IER3IP1: variants seen among roughly 807,000 people sequenced by gnomAD.
The protein encoded by IER3IP1 is immediate early response 3 interacting protein 1.
Under a neutral mutation model 12.2 loss-of-function variants are expected in IER3IP1, and 16 were observed. That is an observed-to-expected ratio of 1.31 (90% CI 0.89 to 1.99). The LOEUF is 1.99. Among genes scored for constraint, IER3IP1 ranks in the 30% most tolerant of loss-of-function variants. IER3IP1 has a pLI of 0.00. For missense variants in IER3IP1, 95 were observed against 95.8 expected, an observed-to-expected ratio of 0.99 and a Z score of 0.03; for synonymous variants, 42 against 40.0, an observed-to-expected ratio of 1.05 and a Z score of -0.19.
intron 1 of IER3IP1, among the ~76,000 whole-genome samples, chr18:47,162,745 A>T (rs2063983744): frequency 6.6e-6 from 1 of 152,180 alleles, no homozygotes; most frequent in Non-Finnish European, 1.5e-5. Flanking sequence ...GAAGGACATG[A>T]GCCTTTTTAG....
Position 47,154,496 on chromosome 18 carries a change from C to CT in IER3IP1, c.*1680_*1681insA, listed in dbSNP as rs1436004800. Reference sequence around the variant, plus strand: ...CTGTAATGTCTTATATGAAAAATAACATCAGATCAAGGTCTCTCTTTTCTT... The same window carrying CT: ...CTGTAATGTCTTATATGAAAAATAACTATCAGATCAAGGTCTCTCTTTTCTT... On this transcript the variant is annotated 3_prime_UTR_variant, in exon 3 of 3. Coordinates refer to ENST00000256433, the MANE Select transcript of IER3IP1 (RefSeq NM_016097.5). 6.6e-6 allele frequency: 1 copy of CT among 152,152 alleles called. No individual in the cohort carries two copies. The allele number at this position is 152,152 out of a possible 1,614,324, so 9.4% of individuals were successfully genotyped here. A position where few individuals can be genotyped will look rare whatever the true frequency, so the allele number is the denominator to read the frequency against.
chr18:47,160,393 C>T (rs1287120083), intron 1 of IER3IP1, among the ~76,000 whole-genome samples: 6 of 152,216 alleles, frequency 3.9e-5, no homozygotes, highest in African/African-American at 1.4e-4. Flanking sequence ...TCAGTAACTT[C>T]GCTGGCTTCT....
chr18:47,161,576 T>G (rs2063980087), intron 1 of IER3IP1, among the ~76,000 whole-genome samples: 1 of 152,086 alleles, frequency 6.6e-6, no homozygotes, highest in African/African-American at 2.4e-5. Flanking sequence ...CTCCTTAAAT[T>G]GACATTCTAG....
intron 1 of IER3IP1, among the ~76,000 whole-genome samples, chr18:47,162,974 G>A (rs1568072131): frequency 6.6e-6 from 1 of 152,022 alleles, no homozygotes; most frequent in Non-Finnish European, 1.5e-5. Context: ...ATAATTGGTT[G>A]GAGAAGGGAG....
At chr18:47,169,041 A>G (rs1320605019) in intron 1 of IER3IP1, among the ~76,000 whole-genome samples, 2 of 152,186 alleles carry the variant, frequency 1.3e-5, no homozygotes, top group Non-Finnish European at 2.9e-5. Context: ...TACCACCCCA[A>G]AAGAAACCCT....
chr18:47,162,528 T>A (rs1166578255), intron 1 of IER3IP1, among the ~76,000 whole-genome samples: 1 of 151,766 alleles, frequency 6.6e-6, no homozygotes, highest in Non-Finnish European at 1.5e-5. Context: ...TAAGAACAGA[T>A]CCCATCCAGG....
chr18:47,167,346 C>T (rs1438418562), intron 1 of IER3IP1, among the ~76,000 whole-genome samples: 1 of 152,098 alleles, frequency 6.6e-6, no homozygotes, highest in Non-Finnish European at 1.5e-5. Flanking sequence ...CCAATGCACC[C>T]GGCCCCCTGT....
intron 1 of IER3IP1, among the ~76,000 whole-genome samples, chr18:47,158,397 G>C (rs2144424130): frequency 6.6e-6 from 1 of 152,200 alleles, no homozygotes; most frequent in Admixed American, 6.5e-5. Flanking sequence ...CTGGAGTGCA[G>C]TGGTGTAATC....
At chr18:47,170,258 G>A (rs1292221478) in intron 1 of IER3IP1, among the ~76,000 whole-genome samples, 1 of 151,916 alleles carries the variant, frequency 6.6e-6, no homozygotes, top group Non-Finnish European at 1.5e-5. Context: ...CTATTTCATT[G>A]ATCTATGTCT....
At chr18:47,166,233 G>T (rs771653876) in intron 1 of IER3IP1, among the ~76,000 whole-genome samples, 1 of 152,026 alleles carries the variant, frequency 6.6e-6, no homozygotes, top group Non-Finnish European at 1.5e-5. Context: ...CTCATATCAG[G>T]AATTGCAAGA....
At chr18:47,164,936 C>A (rs1438310237) in intron 1 of IER3IP1, among the ~76,000 whole-genome samples, 1 of 152,196 alleles carries the variant, frequency 6.6e-6, no homozygotes, top group East Asian at 1.9e-4. Context: ...AAGTTACTGA[C>A]TGCAACCACC....
chr18:47,171,308 CAA>C (rs1296624061), intron 1 of IER3IP1, among the ~76,000 whole-genome samples: 1 of 152,114 alleles, frequency 6.6e-6, no homozygotes, highest in African/African-American at 2.4e-5. Context: ...CAGCTATATT[CAA>C]AAGAGATATA....
intron 1 of IER3IP1, among the ~76,000 whole-genome samples, chr18:47,174,652 G>C (rs951563231): frequency 4.6e-5 from 7 of 151,656 alleles, no homozygotes; most frequent in Non-Finnish European, 1.0e-4. Flanking sequence ...CGGGGGGACA[G>C]GGTGAGACTC....
intron 1 of IER3IP1, among the ~76,000 whole-genome samples, chr18:47,170,488 ACTAT>A (rs1051830939): frequency 4.3e-4 from 65 of 152,120 alleles, no homozygotes; most frequent in African/African-American, 1.4e-3. Context: ...AATATTAAGT[ACTAT>A]CATCTTAATA....
At chr18:47,156,335 T>C (rs961091675) in intron 2 of IER3IP1, 103 bp from the exon 3 acceptor site, 164 of 707,990 alleles carry the variant, frequency 2.3e-4, no homozygotes, top group Non-Finnish European at 2.7e-4. Context: ...TCTAACAATA[T>C]GTCATCATAA....
rs2063953861 is a variant in IER3IP1, at chr18:47,155,163, C to T, written c.*1014G>A. 1 of 152,138 alleles carries T rather than the reference C, an allele frequency of 6.6e-6. No homozygotes were observed. The highest frequency in any genetic ancestry group is 6.5e-5 in the Admixed American group (1 of 15,274). 9.4% of individuals were successfully genotyped at this position (152,138 alleles called of 1,614,324 possible). A position where few individuals can be genotyped will look rare whatever the true frequency, so the allele number is the denominator to read the frequency against. Reference sequence around the variant, plus strand: ...AACCATTTACATAGTTTCAACCTTTCTGCATAAAACTGTATTATGAGATAG... The same window carrying T: ...AACCATTTACATAGTTTCAACCTTTTTGCATAAAACTGTATTATGAGATAG... On this transcript the variant is annotated 3_prime_UTR_variant, in exon 3 of 3. Coordinates refer to ENST00000256433, the MANE Select transcript of IER3IP1 (RefSeq NM_016097.5).
chr18:47,156,379 C>G, intron 2 of IER3IP1, 147 bp from the exon 3 acceptor site: 4 of 616,978 alleles, frequency 6.5e-6, no homozygotes, highest in South Asian at 5.8e-5. Context: ...AAGAAACATT[C>G]TAAAATACAT....
At chr18:47,162,351 C>A (rs151057932) in intron 1 of IER3IP1, among the ~76,000 whole-genome samples, 2 of 152,104 alleles carry the variant, frequency 1.3e-5, no homozygotes, top group East Asian at 3.9e-4. Flanking sequence ...CAGTCCCTTA[C>A]AATTAAACAA....
rs193194845 is a variant in IER3IP1 at position 47,161,233 on chromosome 18, G to A, written c.92-3696C>T. 3.2e-4 allele frequency among the ~76,000 whole-genome samples: 49 copies of A among 152,258 alleles called. 1 individual carries two copies. The East Asian group carries it at 5.2e-3, about 16-fold the overall frequency. On this transcript the variant is annotated intron_variant, in intron 1 of 2. Transcript: ENST00000256433. The stretch of plus-strand genomic sequence containing the variant: ...TGAAATAAAATGCTAAATAATGGTT[G>A]TTTGCTTTTTTGTCACTGAGATATG...
Sources: gnomAD v4.1 joint callset for allele counts (sites outside exome capture counted in the v4.1 genomes callset) on GRCh38, gnomAD v4.1.1 for gene constraint, MANE v1.5 for transcripts, NCBI Gene and HGNC (gene_info 2026-07-23, HGNC 2026-07-21) for gene names.